Variants in WWOX observed in about 807,000 individuals in gnomAD.
WWOX encodes WW domain-containing oxidoreductase.
WWOX carries 69 observed loss-of-function variants against 46.2 expected under a neutral mutation model. That is an observed-to-expected ratio of 1.49 (90% confidence interval 1.23 to 1.82). The LOEUF (loss-of-function observed/expected upper bound fraction) is 1.82, where lower values mean the gene tolerates loss of function less well. WWOX is among the 40% of genes most tolerant of loss of function. The pLI is 0.00. For synonymous variants in WWOX, 359 were observed against 202.6 expected (o/e 1.77, Z -6.56); for missense variants, 919 against 542.6 (o/e 1.69, Z -6.89).
chr16:79,028,731 C>G (rs1255376467), intron 8 of WWOX, among the ~76,000 whole-genome samples: 1 of 151,832 alleles, frequency 6.6e-6, no homozygotes, highest in African/African-American at 2.4e-5. Context: ...AAACTTCTTT[C>G]CACAAGAGTA....
chr16:79,170,327 A>G (rs1294041430), intron 8 of WWOX, among the ~76,000 whole-genome samples: 2 of 152,194 alleles, frequency 1.3e-5, no homozygotes, highest in African/African-American at 4.8e-5. Context: ...TGATCTATGC[A>G]AGGTCCCCCA....
At chr16:78,628,759 T>C (rs1312561763) in intron 8 of WWOX, among the ~76,000 whole-genome samples, 1 of 152,180 alleles carries the variant, frequency 6.6e-6, no homozygotes, top group Non-Finnish European at 1.5e-5. Context: ...AAATGAATTA[T>C]GAAAGGAAGA....
intron 4 of WWOX, among the ~76,000 whole-genome samples, chr16:78,137,575 G>A (rs1202330013): frequency 6.6e-6 from 1 of 152,160 alleles, no homozygotes; most frequent in Admixed American, 6.5e-5. Flanking sequence ...TGCCGCCACA[G>A]AGGGAATTAC....
chr16:78,998,178 A>C (rs2047026700), intron 8 of WWOX, among the ~76,000 whole-genome samples: 1 of 152,148 alleles, frequency 6.6e-6, no homozygotes, highest in East Asian at 1.9e-4. Flanking sequence ...CGCCCGGCCT[A>C]GCCTCCAACA....
Position 78,902,783 on chromosome 16 carries a change from T to C in WWOX, c.1057-308825T>C, listed in dbSNP as rs535219717. ...TCTTCTAAGAATGAAAGTAAATCTG[T>C]TGTGCTTTCCTCTGCCCTGTCCTCA... On this transcript the variant is annotated intron_variant, in intron 8 of 8. Transcript: ENST00000566780. 4.6e-5 allele frequency among the ~76,000 whole-genome samples: 7 copies of C among 152,328 alleles called. No individual in the cohort carries two copies. The South Asian group carries it at 1.5e-3, about 32-fold the overall frequency.
intron 8 of WWOX, among the ~76,000 whole-genome samples, chr16:78,744,274 C>T (rs1385053766): frequency 6.6e-6 from 1 of 152,098 alleles, no homozygotes; most frequent in Non-Finnish European, 1.5e-5. Flanking sequence ...ACTTTAGAAA[C>T]ACATAGGCTA....
chr16:78,135,612 G>A (rs1162235856), intron 4 of WWOX, among the ~76,000 whole-genome samples: 3 of 151,382 alleles, frequency 2.0e-5, no homozygotes, highest in Non-Finnish European at 2.9e-5. Flanking sequence ...TCTAAATCAG[G>A]CTTTCTTTTC....
At chr16:78,706,445 A>G (rs1597469772) in intron 8 of WWOX, among the ~76,000 whole-genome samples, 1 of 152,048 alleles carries the variant, frequency 6.6e-6, no homozygotes, top group Non-Finnish European at 1.5e-5. Flanking sequence ...TCTTTCTGTA[A>G]TCAAGAGCTC....
At chr16:79,058,455 A>G (rs1211170820) in intron 8 of WWOX, among the ~76,000 whole-genome samples, 1 of 152,106 alleles carries the variant, frequency 6.6e-6, no homozygotes, top group Admixed American at 6.5e-5. Context: ...TAGTGAGAGA[A>G]GGAAGGAAGA....
At chr16:78,165,756 TAAAG>T (rs915709077) in intron 5 of WWOX, among the ~76,000 whole-genome samples, 2 of 152,284 alleles carry the variant, frequency 1.3e-5, no homozygotes, top group African/African-American at 2.4e-5. Flanking sequence ...GTAGTGAAAA[TAAAG>T]AAAAGGAAGA....
chr16:78,131,174 G>A lies in WWOX; in HGVS notation c.409+16020G>A, dbSNP rs146283787. Among the ~76,000 whole-genome samples the A allele has an allele frequency of 2.6e-5, 4 of 152,322 alleles. 1 individual carries two copies. The highest frequency in any genetic ancestry group is 9.6e-5 in the African/African-American group (4 of 41,560). Reference sequence around the variant, plus strand: ...ATGTGTTGTTATGCAGTGTGTGACTGTACCAGCAGCTTGATCTTTGTGCTT... The same window carrying A: ...ATGTGTTGTTATGCAGTGTGTGACTATACCAGCAGCTTGATCTTTGTGCTT... On this transcript the variant is annotated intron_variant, in intron 4 of 8. Transcript: ENST00000566780.
chr16:78,466,197 A>C (rs1173184585), intron 8 of WWOX, among the ~76,000 whole-genome samples: 1 of 151,916 alleles, frequency 6.6e-6, no homozygotes, highest in Non-Finnish European at 1.5e-5. Flanking sequence ...ATGCTTGGCT[A>C]ATTTTTTGTG....
intron 7 of WWOX, among the ~76,000 whole-genome samples, chr16:78,431,932 T>G (rs2083228265): frequency 6.6e-6 from 1 of 152,072 alleles, no homozygotes; most frequent in African/African-American, 2.4e-5. Context: ...CCTAAGCTGG[T>G]CTTGAACTCC....
At chr16:78,667,088 CT>C (rs1361180471) in intron 8 of WWOX, among the ~76,000 whole-genome samples, 1 of 152,148 alleles carries the variant, frequency 6.6e-6, no homozygotes, top group African/African-American at 2.4e-5. Context: ...TCTTTGTGTA[CT>C]TGCTTTTTAA....
intron 8 of WWOX, among the ~76,000 whole-genome samples, chr16:78,976,366 C>T (rs1451617981): frequency 6.6e-6 from 1 of 152,212 alleles, no homozygotes; most frequent in East Asian, 1.9e-4. Context: ...GGTCCTCGCT[C>T]ACTCCCAGCA....
intron 8 of WWOX, among the ~76,000 whole-genome samples, chr16:79,019,649 A>G (rs1435129450): frequency 6.6e-6 from 1 of 151,924 alleles, no homozygotes; most frequent in Admixed American, 6.6e-5. Context: ...GCATGTGCAT[A>G]CTGGATAAGC....
intron 8 of WWOX, among the ~76,000 whole-genome samples, chr16:78,814,885 A>G (rs114134993): frequency 0.014 from 2,151 of 152,228 alleles, 43 homozygotes; most frequent in African/African-American, 0.049. Flanking sequence ...TGCACCAGCT[A>G]CCTTTGTGCT....
intron 8 of WWOX, among the ~76,000 whole-genome samples, chr16:78,908,863 C>T (rs188895103): frequency 3.3e-5 from 5 of 152,130 alleles, no homozygotes; most frequent in Non-Finnish European, 7.3e-5. Context: ...TTCGGTTTTA[C>T]CATAGTGACA....
intron 8 of WWOX, among the ~76,000 whole-genome samples, chr16:78,889,764 T>G (rs1207887234): frequency 6.6e-6 from 1 of 152,210 alleles, no homozygotes; most frequent in African/African-American, 2.4e-5. Context: ...CTATTTTGTT[T>G]TGTTCCGCCT....
Sources: gnomAD v4.1 joint callset for allele counts (sites outside exome capture counted in the v4.1 genomes callset) on GRCh38, gnomAD v4.1.1 for gene constraint, MANE v1.5 for transcripts, NCBI Gene and HGNC (gene_info 2026-07-23, HGNC 2026-07-21) for gene names.